The following DNER variants were observed in gnomAD, a reference collection of about 807,000 sequenced individuals.
The protein encoded by DNER is delta and Notch-like epidermal growth factor-related receptor.
In DNER, 33 loss-of-function variants were observed where a neutral mutation model predicts 78.2. The observed-to-expected ratio is 0.42, with a 90% confidence interval of 0.32 to 0.56. DNER has a LOEUF of 0.56. DNER is among the 20% of genes least tolerant of loss of function. DNER has a pLI of 0.11. For synonymous variants in DNER, 417 were observed against 384.8 expected, an observed-to-expected ratio of 1.08 and a Z score of -0.98; for missense variants, 918 against 975.3, an observed-to-expected ratio of 0.94 and a Z score of 0.78.
intron 9 of DNER, among the ~76,000 whole-genome samples, chr2:229,408,498 A>G (rs1447337274): frequency 2.6e-5 from 4 of 152,142 alleles, no homozygotes; most frequent in African/African-American, 4.8e-5. Context: ...CTAAGAACGT[A>G]CATAATGATA....
chr2:229,690,398 T>C (rs1381174686), intron 1 of DNER, among the ~76,000 whole-genome samples: 1 of 152,208 alleles, frequency 6.6e-6, no homozygotes, highest in Non-Finnish European at 1.5e-5. Context: ...TTTGGAAAAG[T>C]CACTTAACCT....
intron 5 of DNER, among the ~76,000 whole-genome samples, chr2:229,534,383 T>A (rs1441299428): frequency 5.3e-5 from 8 of 150,976 alleles, no homozygotes; most frequent in Non-Finnish European, 4.4e-5. Flanking sequence ...GATTGTAATG[T>A]AACAGACCAA....
At chr2:229,425,195 G>T (rs746263624) in intron 8 of DNER, among the ~76,000 whole-genome samples, 4 of 152,220 alleles carry the variant, frequency 2.6e-5, no homozygotes, top group Middle Eastern at 3.4e-3. Flanking sequence ...ACAGGCCCTG[G>T]GTATATCTGG....
chr2:229,392,053 C>T (rs1693027220), intron 10 of DNER, among the ~76,000 whole-genome samples: 1 of 152,114 alleles, frequency 6.6e-6, no homozygotes, highest in South Asian at 2.1e-4. Flanking sequence ...ATATTGATGA[C>T]AATTACTATA....
At position 229,512,740 on chromosome 2, in the gene DNER, A is replaced by G. The variant is rs1037541834; in HGVS notation, c.1147+43T>C. 2.1e-5 allele frequency: 34 copies of G among 1,608,600 alleles called. No individual in the cohort carries two copies. The African/African-American group carries it at 4.0e-4, about 19-fold the overall frequency. On this transcript the variant is annotated intron_variant, in intron 6 of 12. Transcript: ENST00000341772. ...ATAAAAAACAAGAGGTGCATGCTGT[A>G]CAGACATACACCTAATAACTGAACC... is the stretch of plus-strand genomic sequence containing the variant.
At chr2:229,619,645 A>G (rs1574931143) in intron 1 of DNER, among the ~76,000 whole-genome samples, 1 of 152,192 alleles carries the variant, frequency 6.6e-6, no homozygotes, top group Non-Finnish European at 1.5e-5. Context: ...CTCTGCTGGT[A>G]CGTATAGTGT....
rs778885845 is a variant in DNER, at chr2:229,407,241, C to T, written c.1714G>A (p.Gly572Arg). The stretch of plus-strand genomic sequence containing the variant: ...CCCTGGAATCACTTGCCTGTAAACC[C>T]GGGTGCACAGATGCACGTGCCATTC... ...GLNGTCICAP[G>R]FTGEECDIDI... The change falls in exon 10 of 13, where the codon GGG becomes AGG. Residue 572 changes from glycine to arginine, a missense_variant. Gly to Arg is a moderately radical substitution (Grantham distance 125). Transcript: ENST00000341772. The T allele has an allele frequency of 3.1e-6, 5 of 1,611,144 alleles. No homozygotes were observed. The highest frequency in any genetic ancestry group is 1.7e-5 in the Admixed American group (1 of 59,934).
chr2:229,432,002 G>T (rs1694016726), intron 8 of DNER, among the ~76,000 whole-genome samples: 1 of 152,058 alleles, frequency 6.6e-6, no homozygotes, highest in Non-Finnish European at 1.5e-5. Flanking sequence ...CCATTGTAAA[G>T]TGGCCTATTT....
At chr2:229,672,865 A>G (rs983287577) in intron 1 of DNER, among the ~76,000 whole-genome samples, 1 of 152,202 alleles carries the variant, frequency 6.6e-6, no homozygotes, top group Non-Finnish European at 1.5e-5. Context: ...AGAAGGGTCT[A>G]CAGGATCAAA....
intron 12 of DNER, among the ~76,000 whole-genome samples, chr2:229,363,234 CA>C (rs1322705439): frequency 6.6e-6 from 1 of 152,222 alleles, no homozygotes; most frequent in Non-Finnish European, 1.5e-5. Context: ...ACTCTGACAT[CA>C]GAATCACCCG....
At chr2:229,373,075 C>A (rs143997612) in intron 11 of DNER, among the ~76,000 whole-genome samples, 1 of 152,118 alleles carries the variant, frequency 6.6e-6, no homozygotes, top group African/African-American at 2.4e-5. Flanking sequence ...CAAAAGCAAT[C>A]GCAACAAATG....
chr2:229,568,332 C>T (rs982444998), intron 4 of DNER, among the ~76,000 whole-genome samples: 5 of 152,092 alleles, frequency 3.3e-5, no homozygotes, highest in African/African-American at 9.7e-5. Flanking sequence ...ACTACTGGTG[C>T]GTGCCATTGT....
At chr2:229,509,829 A>T (rs1695827711) in intron 6 of DNER, among the ~76,000 whole-genome samples, 1 of 152,312 alleles carries the variant, frequency 6.6e-6, no homozygotes, top group Middle Eastern at 3.4e-3. Flanking sequence ...ATAAAATAAA[A>T]TATAAAATAA....
chr2:229,363,636 A>G (rs961346818), intron 12 of DNER, among the ~76,000 whole-genome samples: 5 of 152,332 alleles, frequency 3.3e-5, no homozygotes, highest in Admixed American at 2.6e-4. Context: ...CGCAGTAAAT[A>G]TTTTTGATAT....
chr2:229,698,823 CT>C (rs2154217590), intron 1 of DNER, among the ~76,000 whole-genome samples: 1 of 152,164 alleles, frequency 6.6e-6, no homozygotes, highest in South Asian at 2.1e-4. Context: ...TCTGTTTTTC[CT>C]ATTATCTCTC....
chr2:229,398,623 TTTTC>T (rs1693201402), intron 10 of DNER, among the ~76,000 whole-genome samples: 1 of 152,204 alleles, frequency 6.6e-6, no homozygotes, highest in South Asian at 2.1e-4. Context: ...CACAAAATTG[TTTTC>T]TTTCTTTTTT....
chr2:229,628,011 G>A (rs142550167), intron 1 of DNER, among the ~76,000 whole-genome samples: 3 of 152,286 alleles, frequency 2.0e-5, no homozygotes, highest in East Asian at 3.9e-4. Context: ...ACATGGGCAG[G>A]CCTGTGGCTG....
intron 6 of DNER, among the ~76,000 whole-genome samples, chr2:229,482,731 A>G (rs1160656556): frequency 6.6e-6 from 1 of 152,228 alleles, no homozygotes; most frequent in African/African-American, 2.4e-5. Context: ...GAAGAAAGTT[A>G]GCAATAAACT....
chr2:229,592,622 G>A (rs1009735913), intron 1 of DNER, among the ~76,000 whole-genome samples: 1 of 152,204 alleles, frequency 6.6e-6, no homozygotes, highest in Non-Finnish European at 1.5e-5. Flanking sequence ...TCTGGGGAAA[G>A]TGTTTATCTC....
Sources: allele counts gnomAD v4.1 joint callset (sites outside exome capture counted in the v4.1 genomes callset), GRCh38; gene constraint gnomAD v4.1.1; transcripts MANE v1.5; gene names NCBI Gene and HGNC (gene_info 2026-07-23, HGNC 2026-07-21).